GALNTL6: variants seen among roughly 807,000 people sequenced by gnomAD.
GALNTL6 encodes the protein polypeptide N-acetylgalactosaminyltransferase like 6.
GALNTL6 carries 46 observed loss-of-function variants against 73.7 expected under a neutral mutation model. The ratio of observed to expected loss-of-function variants is 0.62; its 90% confidence interval spans 0.49 to 0.80. The LOEUF (loss-of-function observed/expected upper bound fraction) is 0.80. Among genes scored for constraint, GALNTL6 ranks in the 30% least tolerant of loss-of-function variants. The pLI is 0.00. For missense variants in GALNTL6, 604 were observed against 755.0 expected (o/e 0.80, Z 2.34); for synonymous variants, 259 against 263.7 (o/e 0.98, Z 0.17).
rs1270420521 is a variant in GALNTL6 at position 172,364,144 on chromosome 4, G to A, written c.553+15455G>A. On this transcript the variant is annotated intron_variant, in intron 5 of 12. Transcript: ENST00000506823. The stretch of plus-strand genomic sequence containing the variant: ...ATAGATTTAGTAAAATTAGGACTGG[G>A]CATGGTAGCTCATGCCTGTATTTTC... 3.3e-5 allele frequency among the ~76,000 whole-genome samples: 5 copies of A among 152,300 alleles called. No individual in the cohort carries two copies. In the East Asian group the frequency reaches 9.6e-4, roughly 29 times the overall value.
chr4:172,225,322 A>G (rs1194358152), intron 2 of GALNTL6, among the ~76,000 whole-genome samples: 2 of 152,024 alleles, frequency 1.3e-5, no homozygotes, highest in African/African-American at 2.4e-5. Context: ...TAGATTAGGT[A>G]TGCAAGCATA....
chr4:172,053,559 A>G (rs996459574), intron 2 of GALNTL6, among the ~76,000 whole-genome samples: 8 of 152,194 alleles, frequency 5.3e-5, no homozygotes, highest in African/African-American at 1.9e-4. Context: ...TTCTTGGCAG[A>G]GAAACAAAGG....
chr4:172,483,687 G>A (rs1469260383), intron 5 of GALNTL6, among the ~76,000 whole-genome samples: 2 of 152,146 alleles, frequency 1.3e-5, no homozygotes. Context: ...TGAAATGACG[G>A]CAGTGACTGA....
At chr4:171,842,044 A>G (rs888447542) in intron 2 of GALNTL6, among the ~76,000 whole-genome samples, 2 of 152,206 alleles carry the variant, frequency 1.3e-5, no homozygotes, top group African/African-American at 2.4e-5. Flanking sequence ...GAATACCTAG[A>G]TATGTGCAAT....
At chr4:171,925,819 TA>T (rs1737960432) in intron 2 of GALNTL6, among the ~76,000 whole-genome samples, 1 of 152,268 alleles carries the variant, frequency 6.6e-6, no homozygotes, top group Admixed American at 6.5e-5. Context: ...TACTTTTACT[TA>T]AAAATAAATA....
chr4:172,205,123 C>T (rs1736065460), intron 2 of GALNTL6, among the ~76,000 whole-genome samples: 1 of 152,186 alleles, frequency 6.6e-6, no homozygotes, highest in Non-Finnish European at 1.5e-5. Context: ...TTTTCTCCAA[C>T]ACTAGAATTT....
chr4:171,990,212 A>G (rs1239339678), intron 2 of GALNTL6, among the ~76,000 whole-genome samples: 1 of 152,186 alleles, frequency 6.6e-6, no homozygotes, highest in East Asian at 1.9e-4. Context: ...CATGTGTTTT[A>G]TTGATAAACA....
chr4:172,816,397 T>C (rs1260652790), intron 7 of GALNTL6, among the ~76,000 whole-genome samples: 1 of 152,338 alleles, frequency 6.6e-6, no homozygotes, highest in African/African-American at 2.4e-5. Context: ...CTGAAAATTC[T>C]GTGAAATTAG....
intron 2 of GALNTL6, among the ~76,000 whole-genome samples, chr4:172,040,810 A>G (rs565015711): frequency 6.6e-6 from 1 of 152,210 alleles, no homozygotes; most frequent in African/African-American, 2.4e-5. Context: ...CACTTTGATC[A>G]TAATTATTTG....
At position 172,896,900 on chromosome 4, in the gene GALNTL6, T is replaced by A. The variant is rs572975760; in HGVS notation, c.1041+13993T>A. 7.3e-5 allele frequency among the ~76,000 whole-genome samples: 11 copies of A among 151,002 alleles called. No individual in the cohort carries two copies. In the South Asian group the frequency reaches 2.3e-3, roughly 32 times the overall value. On this transcript the variant is annotated intron_variant, in intron 8 of 12. Transcript: ENST00000506823. The stretch of plus-strand genomic sequence containing the variant: ...CTCCTAGAGATCTGCTGTGGGACAG[T>A]GGCTAGCATGCCTGTCAAAATGGCT...
At chr4:171,889,004 A>G (rs185200464) in intron 2 of GALNTL6, among the ~76,000 whole-genome samples, 3 of 152,218 alleles carry the variant, frequency 2.0e-5, no homozygotes, top group African/African-American at 7.2e-5. Context: ...CACACTTCAA[A>G]GCCTTGCTAC....
chr4:172,029,001 T>G (rs1474110701), intron 2 of GALNTL6, among the ~76,000 whole-genome samples: 1 of 152,006 alleles, frequency 6.6e-6, no homozygotes, highest in Non-Finnish European at 1.5e-5. Context: ...ATTTGAACAT[T>G]TAGAGTTGCT....
At chr4:172,432,697 T>C (rs1731497652) in intron 5 of GALNTL6, among the ~76,000 whole-genome samples, 1 of 152,084 alleles carries the variant, frequency 6.6e-6, no homozygotes, top group South Asian at 2.1e-4. Flanking sequence ...TAGTTGAATT[T>C]ATAGGTATGT....
chr4:171,920,785 A>T (rs59462912), intron 2 of GALNTL6, among the ~76,000 whole-genome samples: 6,028 of 152,200 alleles, frequency 0.04, 346 homozygotes, highest in African/African-American at 0.12. Flanking sequence ...TAAAAATAAC[A>T]CCCACTTAAT....
chr4:172,249,172 G>A (rs28853016), intron 3 of GALNTL6, among the ~76,000 whole-genome samples: 2,173 of 152,284 alleles, frequency 0.014, 57 homozygotes, highest in African/African-American at 0.05. Flanking sequence ...TATGAACAAT[G>A]AAGTCCAGGC....
intron 4 of GALNTL6, among the ~76,000 whole-genome samples, chr4:172,312,090 A>G (rs1369708654): frequency 4.6e-5 from 7 of 152,224 alleles, no homozygotes; most frequent in African/African-American, 1.2e-4. Flanking sequence ...TAGAGCTACC[A>G]GAACTGTCTA....
At chr4:172,806,814 T>G (rs1178011053) in intron 5 of GALNTL6, among the ~76,000 whole-genome samples, 2 of 152,206 alleles carry the variant, frequency 1.3e-5, no homozygotes, top group African/African-American at 4.8e-5. Flanking sequence ...GACAATATCT[T>G]TTGTGGTCCA....
chr4:172,613,668 T>C (rs1418691944), intron 5 of GALNTL6, among the ~76,000 whole-genome samples: 1 of 152,180 alleles, frequency 6.6e-6, no homozygotes, highest in African/African-American at 2.4e-5. Context: ...GCCACATCGT[T>C]ATAGTTGAAA....
chr4:172,107,598 T>C (rs1240968810), intron 2 of GALNTL6, among the ~76,000 whole-genome samples: 2 of 145,892 alleles, frequency 1.4e-5, no homozygotes, highest in African/African-American at 5.1e-5. Flanking sequence ...ACACCGCATG[T>C]TCTCACTCAT....
Sources: gnomAD v4.1 joint callset for allele counts (sites outside exome capture counted in the v4.1 genomes callset) on GRCh38, gnomAD v4.1.1 for gene constraint, MANE v1.5 for transcripts, NCBI Gene and HGNC (gene_info 2026-07-23, HGNC 2026-07-21) for gene names.